PPP2CA: variants seen among roughly 807,000 people sequenced by gnomAD.
The protein encoded by PPP2CA is serine/threonine-protein phosphatase 2A catalytic subunit alpha isoform.
A neutral mutation model predicts 38.8 loss-of-function variants in PPP2CA; 5 were observed. That is an observed-to-expected ratio of 0.13 (90% confidence interval 0.07 to 0.27). The LOEUF is 0.27. Ranked by LOEUF, PPP2CA falls within the 10% of genes least tolerant of loss-of-function variation. The probability of loss-of-function intolerance (pLI) is 1.00; values close to 1 mark genes in which losing one functional copy is unlikely to be tolerated. For synonymous variants in PPP2CA, 152 were observed against 134.0 expected (o/e 1.13, Z -0.93); for missense variants, 88 against 389.7 (o/e 0.23, Z 6.52).
Position 134,201,968 on chromosome 5 carries a change from C to T in PPP2CA, c.366G>A (p.Gln122=), listed in dbSNP as rs764595667. 1.7e-5 allele frequency: 28 copies of T among 1,613,902 alleles called. No homozygotes were observed. The highest frequency in any genetic ancestry group is 2.3e-5 in the Non-Finnish European group (27 of 1,179,952). The change falls in exon 3 of 7, where the codon CAG becomes CAA. Residue 122 remains glutamine, a synonymous_variant. Coordinates refer to ENST00000481195, the MANE Select transcript of PPP2CA (RefSeq NM_002715.4). ...CATAGAAACCATAAACTTGTGTGAT[C>T]TGTCTGCTCTCATGATTCCCTCGAA... The part of the protein sequence containing the change: ...TILRGNHESR[Q]ITQVYGFYDE...
chr5:134,212,454 G>A (rs796188459), intron 1 of PPP2CA, among the ~76,000 whole-genome samples: 66 of 152,216 alleles, frequency 4.3e-4, no homozygotes, highest in African/African-American at 1.5e-3. Context: ...AATAAATGTC[G>A]TATATATTCT....
rs548419689 is a variant in PPP2CA, at chr5:134,218,199, G to A, written c.102+7561C>T. Among the ~76,000 whole-genome samples, 7 of 151,860 alleles carry A rather than the reference G, an allele frequency of 4.6e-5. No individual in the cohort carries two copies. In the East Asian group the frequency reaches 5.8e-4, roughly 13 times the overall value. ...AATCTTCTTTGATTAAAATCAGTAT[G>A]GTTATATTTTAAAAGTTTAACCCTC... On this transcript the variant is annotated intron_variant, in intron 1 of 6. Coordinates refer to ENST00000481195, the MANE Select transcript of PPP2CA (RefSeq NM_002715.4).
chr5:134,197,933 C>T (rs1246286798), intron 6 of PPP2CA, 89 bp from the exon 7 acceptor site: 5 of 1,080,214 alleles, frequency 4.6e-6, no homozygotes, highest in Middle Eastern at 2.0e-4. Context: ...CCAAACTTTA[C>T]ACTTCCTATT....
At chr5:134,217,595 A>G (rs941999290) in intron 1 of PPP2CA, among the ~76,000 whole-genome samples, 41 of 152,216 alleles carry the variant, frequency 2.7e-4, no homozygotes, top group Admixed American at 5.2e-4. Context: ...TTGGTTTGAT[A>G]TGTCATTTTG....
chr5:134,200,601 T>A, intron 4 of PPP2CA, 105 bp from the exon 5 acceptor site: 1 of 1,248,910 alleles, frequency 8.0e-7, no homozygotes, highest in Non-Finnish European at 1.1e-6. Flanking sequence ...TTTTGAGTGA[T>A]GTTTGTGGAC....
At chr5:134,224,980 A>C (rs532648485) in intron 1 of PPP2CA, among the ~76,000 whole-genome samples, 1 of 152,374 alleles carries the variant, frequency 6.6e-6, no homozygotes, top group Non-Finnish European at 1.5e-5. Context: ...TAAACGGCAA[A>C]ATGCCAAGTG....
intron 1 of PPP2CA, among the ~76,000 whole-genome samples, chr5:134,213,115 T>C (rs552187147): frequency 2.0e-5 from 3 of 152,332 alleles, no homozygotes; most frequent in African/African-American, 7.2e-5. Flanking sequence ...CGAAATAGCC[T>C]TCTAGTGGAA....
chr5:134,201,923 A>G lies in PPP2CA; in HGVS notation c.411T>C (p.Tyr137=), dbSNP rs1761974155. 5 of 1,614,044 alleles carry G rather than the reference A, an allele frequency of 3.1e-6. No homozygotes were observed. The highest frequency in any genetic ancestry group is 1.6e-4 in the Middle Eastern group (1 of 6,062). ...YGFYDECLRK[Y]GNANVWKYFT... ...AATATTTCCAAACATTTGCATTTCC[A>G]TATTTTCTTAAACATTCATCATAGA... Residue 137 remains tyrosine, a synonymous_variant, in exon 3 of 7, where the codon TAT becomes TAC. Coordinates refer to ENST00000481195, the MANE Select transcript of PPP2CA (RefSeq NM_002715.4).
chr5:134,205,857 A>T (rs2239543), intron 2 of PPP2CA, 65 bp downstream of exon 2: 1 of 1,243,286 alleles, frequency 8.0e-7, no homozygotes, highest in Non-Finnish European at 1.2e-6. Context: ...TAACTGGGGG[A>T]AAAAAAACTT....
In PPP2CA at chr5:134,226,002, A is replaced by T. The variant is rs1040234630; in HGVS notation, c.-141T>A. 3 of 677,274 alleles carry T rather than the reference A, an allele frequency of 4.4e-6. No homozygotes were observed. The highest frequency in any genetic ancestry group is 7.2e-6 in the Non-Finnish European group (3 of 417,408). 42.0% of individuals were successfully genotyped at this position (677,274 alleles called of 1,614,324 possible). ...GGCTGGCGCTGGCCCGCTGGCTCTC[A>T]CCGCAGTACTCGGCCGTCGGCCGCT... On this transcript the variant is annotated 5_prime_UTR_variant, in exon 1 of 7. Transcript: ENST00000481195.
At chr5:134,218,637 T>G (rs927887050) in intron 1 of PPP2CA, among the ~76,000 whole-genome samples, 2 of 151,812 alleles carry the variant, frequency 1.3e-5, no homozygotes, top group African/African-American at 4.8e-5. Context: ...CTCATCTGTG[T>G]AAGATGAATT....
At chr5:134,218,418 G>A (rs1227444336) in intron 1 of PPP2CA, among the ~76,000 whole-genome samples, 1 of 152,168 alleles carries the variant, frequency 6.6e-6, no homozygotes, top group Admixed American at 6.5e-5. Flanking sequence ...AAAGCCCTAT[G>A]TCTCATATGC....
At chr5:134,201,809 T>G (rs768245236) in intron 3 of PPP2CA, 39 bp downstream of exon 3, 1 of 1,591,278 alleles carries the variant, frequency 6.3e-7, no homozygotes, top group South Asian at 1.1e-5. Context: ...GAAAGCAGAT[T>G]CTCTGAAATA....
chr5:134,211,144 A>G (rs1762196208), intron 1 of PPP2CA, among the ~76,000 whole-genome samples: 1 of 151,714 alleles, frequency 6.6e-6, no homozygotes, highest in Admixed American at 6.6e-5. Flanking sequence ...TCCAGGCTGC[A>G]GTGCGGCACC....
At chr5:134,199,422 T>G (rs999756951) in intron 5 of PPP2CA, 8 of 284,094 alleles carry the variant, frequency 2.8e-5, no homozygotes, top group South Asian at 1.4e-4. Flanking sequence ...ACAAAACTTG[T>G]TTTTTTTTTA....
chr5:134,204,250 A>G (rs565083815), intron 2 of PPP2CA, among the ~76,000 whole-genome samples: 3 of 152,374 alleles, frequency 2.0e-5, no homozygotes, highest in Non-Finnish European at 2.9e-5. Context: ...TCTGTTGCCT[A>G]GGGGGGAAAA....
intron 2 of PPP2CA, among the ~76,000 whole-genome samples, chr5:134,202,686 AATCATAT>A (rs1380139894): frequency 6.6e-6 from 1 of 152,230 alleles, no homozygotes; most frequent in African/African-American, 2.4e-5. Context: ...ATGTTGCTAT[AATCATAT>A]ACATGGAAGT....
chr5:134,216,433 A>C (rs1326180914), intron 1 of PPP2CA, among the ~76,000 whole-genome samples: 1 of 149,968 alleles, frequency 6.7e-6, no homozygotes, highest in Non-Finnish European at 1.5e-5. Context: ...CCAGCTACTC[A>C]GGAGGCTGAA....
chr5:134,202,096 G>A, intron 2 of PPP2CA, 75 bp from the exon 3 acceptor site: 1 of 1,427,104 alleles, frequency 7.0e-7, no homozygotes, highest in Non-Finnish European at 9.4e-7. Flanking sequence ...ACTTTCTATA[G>A]AAAAAAATGC....
Sources: allele counts gnomAD v4.1 joint callset (sites outside exome capture counted in the v4.1 genomes callset), GRCh38; gene constraint gnomAD v4.1.1; transcripts MANE v1.5; gene names NCBI Gene and HGNC (gene_info 2026-07-23, HGNC 2026-07-21).